The following PRRC2B variants were observed in gnomAD, a reference collection of about 807,000 sequenced individuals.
PRRC2B encodes proline rich coiled-coil 2B.
A neutral mutation model predicts 242.3 loss-of-function variants in PRRC2B; 68 were observed. That is an observed-to-expected ratio of 0.28 (90% CI 0.23 to 0.34). PRRC2B has a LOEUF of 0.34. Ranked by LOEUF, PRRC2B falls within the 10% of genes least tolerant of loss-of-function variation. PRRC2B has a pLI of 1.00. For missense variants in PRRC2B, 2,835 were observed against 2,954.8 expected (o/e 0.96, Z 0.94); for synonymous variants, 1,228 against 1,173.6 (o/e 1.05, Z -0.95).
Position 131,418,023 on chromosome 9 carries a change from G to A in PRRC2B, c.-51-12071G>A, listed in dbSNP as rs185281665. ...CACAACCTTCTTACACATATGGAGG[G>A]TGAACTTCTCTGTCCTTCCCTCCAG... On this transcript the variant is annotated intron_variant, in intron 1 of 31. Coordinates refer to ENST00000683519, the MANE Select transcript of PRRC2B (RefSeq NM_013318.4). Among the ~76,000 whole-genome samples the A allele has an allele frequency of 2.0e-5, 3 of 152,350 alleles. No homozygotes were observed. The East Asian group carries it at 5.8e-4, about 29-fold the overall frequency.
At chr9:131,400,742 T>TG (rs1046358474) in intron 1 of PRRC2B, among the ~76,000 whole-genome samples, 6 of 152,298 alleles carry the variant, frequency 3.9e-5, no homozygotes, top group East Asian at 1.9e-4. Flanking sequence ...CACTAGGTTC[T>TG]GGGGGGTCTC....
chr9:131,476,654 G>T (rs918818640), intron 16 of PRRC2B, 119 bp downstream of exon 16: 1 of 805,650 alleles, frequency 1.2e-6, no homozygotes, highest in Non-Finnish European at 1.9e-6. Flanking sequence ...CCCCCAGGCC[G>T]TCTGTGCGCG....
intron 1 of PRRC2B, among the ~76,000 whole-genome samples, chr9:131,401,385 CTTTT>C (rs1320362682): frequency 1.4e-5 from 2 of 139,066 alleles, no homozygotes; most frequent in Admixed American, 7.3e-5. Context: ...ATTCTTTCTC[CTTTT>C]TTTTTTTTTT....
At chr9:131,458,729 CT>C (rs1361382940) in intron 10 of PRRC2B, among the ~76,000 whole-genome samples, 2 of 152,156 alleles carry the variant, frequency 1.3e-5, no homozygotes, top group African/African-American at 4.8e-5. Flanking sequence ...TCTGGAACTC[CT>C]GACCTCAAAT....
chr9:131,404,711 C>T (rs572471585), intron 1 of PRRC2B, among the ~76,000 whole-genome samples: 24 of 152,326 alleles, frequency 1.6e-4, no homozygotes, highest in Non-Finnish European at 3.4e-4. Flanking sequence ...TAAAATGTCT[C>T]AGCGTGCTCC....
intron 1 of PRRC2B, among the ~76,000 whole-genome samples, chr9:131,422,627 C>T (rs903041140): frequency 2.0e-4 from 30 of 152,172 alleles, no homozygotes; most frequent in Non-Finnish European, 7.3e-5. Flanking sequence ...TCCTGTTACC[C>T]GGAAATGGCT....
At chr9:131,427,616 C>G (rs1240729579) in intron 1 of PRRC2B, among the ~76,000 whole-genome samples, 1 of 152,094 alleles carries the variant, frequency 6.6e-6, no homozygotes, top group African/African-American at 2.4e-5. Flanking sequence ...AGGAGTGAGC[C>G]ACCGCACCTG....
In PRRC2B at chr9:131,485,996, A is replaced by G. The variant is rs1167781296; in HGVS notation, c.5759-89A>G. On this transcript the variant is annotated intron_variant, in intron 25 of 31. Transcript: ENST00000683519. ...CGTCCCCACTGAGTCCCCTGGGTAG[A>G]GCAGACCTGTAGACTGTTTCCCTCA... The G allele has an allele frequency of 3.3e-6, 3 of 919,478 alleles. No homozygotes were observed. The East Asian group carries it at 7.8e-5, about 24-fold the overall frequency. 57.0% of individuals were successfully genotyped at this position (919,478 alleles called of 1,614,324 possible). A position where few individuals can be genotyped will look rare whatever the true frequency, so the allele number is the denominator to read the frequency against.
chr9:131,438,919 T>C (rs1838463819), intron 4 of PRRC2B, 70 bp from the exon 5 acceptor site: 8 of 1,233,718 alleles, frequency 6.5e-6, no homozygotes, highest in Non-Finnish European at 9.4e-6. Context: ...CAGCACCTTG[T>C]TGTAATAGGC....
rs1564278478 is a variant in PRRC2B, at chr9:131,420,458, T to TC, written c.-51-9636_-51-9635insC. 8.0e-4 allele frequency among the ~76,000 whole-genome samples: 7 copies of TC among 8,772 alleles called. 1 individual carries two copies. Among genetic ancestry groups the TC allele is most frequent in the African/African-American group, 1.4e-3 (7 of 5,162 alleles). 5.8% of individuals were successfully genotyped at this position (8,772 alleles called of 152,430 possible). On this transcript the variant is annotated intron_variant, in intron 1 of 31. Transcript: ENST00000683519. The stretch of plus-strand genomic sequence containing the variant: ...TTTTTTCTTTTTCTTTTTCTTTTTC[T>TC]TTCTTTCTTTCTTTCTTTCTTTCTT...
At chr9:131,388,309 T>C (rs1246893372) in intron 1 of PRRC2B, among the ~76,000 whole-genome samples, 2 of 146,718 alleles carry the variant, frequency 1.4e-5, no homozygotes, top group Non-Finnish European at 3.0e-5. Context: ...GGTGCAATCT[T>C]GGCTTACTGC....
At chr9:131,386,252 G>A (rs116810750) in intron 1 of PRRC2B, among the ~76,000 whole-genome samples, 6,148 of 150,258 alleles carry the variant, frequency 0.041, 505 homozygotes, top group African/African-American at 0.14. Flanking sequence ...AGCTGGGACT[G>A]CAAGTGTGCA....
At chr9:131,422,268 T>C (rs1588243033) in intron 1 of PRRC2B, among the ~76,000 whole-genome samples, 1 of 152,150 alleles carries the variant, frequency 6.6e-6, no homozygotes, top group Admixed American at 6.5e-5. Flanking sequence ...TTGGCCAGCA[T>C]GGTCTCGATC....
chr9:131,431,363 C>T (rs1170003374), intron 2 of PRRC2B, among the ~76,000 whole-genome samples: 2 of 151,790 alleles, frequency 1.3e-5, no homozygotes, highest in Non-Finnish European at 2.9e-5. Flanking sequence ...ATCTCCTGAC[C>T]TCGTGATCGG....
rs1278144083 is a variant in PRRC2B at position 131,475,632 on chromosome 9, C to T, written c.3503C>T (p.Thr1168Ile). The change falls in exon 16 of 32, where the codon ACC becomes ATC. Residue 1168 changes from threonine (T) to isoleucine (I), a missense_variant. Transcript: ENST00000683519. ...TCGCTCCTGGAGAGGGAGGAGAGCA[C>T]CTTGAAGAAGGGCGACTGCAGAGAT... ...EGSLLEREES[T>I]LKKGDCRDSW... The T allele has an allele frequency of 1.9e-6, 3 of 1,611,528 alleles. No individual in the cohort carries two copies. The highest frequency in any genetic ancestry group is 1.1e-5 in the South Asian group (1 of 90,876).
intron 1 of PRRC2B, among the ~76,000 whole-genome samples, chr9:131,396,085 T>C (rs1042305501): frequency 2.6e-5 from 4 of 152,192 alleles, no homozygotes; most frequent in African/African-American, 9.7e-5. Flanking sequence ...AGATCTTGCA[T>C]CTGTAAAATG....
intron 1 of PRRC2B, among the ~76,000 whole-genome samples, chr9:131,382,007 C>T (rs980538613): frequency 1.3e-4 from 20 of 150,796 alleles, no homozygotes; most frequent in Admixed American, 1.3e-4. Context: ...CCCAGAGTTT[C>T]CAAGTTTTAT....
At chr9:131,424,059 C>G (rs764954657) in intron 1 of PRRC2B, among the ~76,000 whole-genome samples, 1 of 152,170 alleles carries the variant, frequency 6.6e-6, no homozygotes, top group African/African-American at 2.4e-5. Context: ...CCTCAGCCTC[C>G]CCAGTGGCTG....
intron 1 of PRRC2B, among the ~76,000 whole-genome samples, chr9:131,399,294 A>AAAG (rs1837157579): frequency 6.7e-6 from 1 of 148,860 alleles, no homozygotes; most frequent in Non-Finnish European, 1.5e-5. Flanking sequence ...AAAAAAAAAA[A>AAAG]AAAGTCTGGG....
Sources: allele counts gnomAD v4.1 joint callset (sites outside exome capture counted in the v4.1 genomes callset), GRCh38; gene constraint gnomAD v4.1.1; transcripts MANE v1.5; gene names NCBI Gene and HGNC (gene_info 2026-07-23, HGNC 2026-07-21).